NTNG2: variants seen among roughly 807,000 people sequenced by gnomAD.
NTNG2 encodes the protein netrin-G2.
Under a neutral mutation model 47.6 loss-of-function variants are expected in NTNG2, and 15 were observed. That is an observed-to-expected ratio of 0.32 (90% CI 0.21 to 0.49). The LOEUF is 0.49. Ranked by LOEUF, NTNG2 falls within the 20% of genes least tolerant of loss-of-function variation. NTNG2 has a pLI of 0.99. For missense variants in NTNG2, 578 were observed against 764.6 expected, an observed-to-expected ratio of 0.76 and a Z score of 2.88; for synonymous variants, 307 against 324.6, an observed-to-expected ratio of 0.95 and a Z score of 0.58.
chr9:132,205,302 C>T (rs565966926), intron 3 of NTNG2, among the ~76,000 whole-genome samples: 4 of 152,256 alleles, frequency 2.6e-5, no homozygotes, highest in South Asian at 2.1e-4. Context: ...ACCTGACACA[C>T]GCTGCGACAC....
chr9:132,171,942 CA>C (rs1327870952), intron 2 of NTNG2, among the ~76,000 whole-genome samples: 1 of 152,164 alleles, frequency 6.6e-6, no homozygotes, highest in Non-Finnish European at 1.5e-5. Flanking sequence ...ATGCCAGGCA[CA>C]GTTGTGATGG....
At position 132,163,993 on chromosome 9, in the gene NTNG2, T is replaced by G. The variant is rs1161892671; in HGVS notation, c.-484+1754T>G. On this transcript the variant is annotated intron_variant, in intron 1 of 7. Transcript: ENST00000393229. The surrounding 1 kb of genome is among the most constrained non-coding windows in gnomAD (Gnocchi z 7.2). ...GAAAACGATCCTCCGGGATGCAGCT[T>G]CTTACTCTGAAAATTTCCCTGCCGA... 6.6e-6 allele frequency among the ~76,000 whole-genome samples: 1 copy of G among 152,118 alleles called. No individual in the cohort carries two copies. The highest frequency in any genetic ancestry group is 1.9e-4 in the East Asian group (1 of 5,182).
At chr9:132,234,650 G>A (rs551276169) in intron 5 of NTNG2, among the ~76,000 whole-genome samples, 11 of 152,338 alleles carry the variant, frequency 7.2e-5, no homozygotes, top group South Asian at 2.1e-4. Context: ...CGCTGCGGGC[G>A]GAAAACGCCG....
intron 3 of NTNG2, among the ~76,000 whole-genome samples, chr9:132,199,491 C>T (rs938062710): frequency 6.6e-6 from 1 of 152,362 alleles, no homozygotes; most frequent in Admixed American, 6.5e-5. Flanking sequence ...TTGATTCTCC[C>T]AGCAGTGACA....
At chr9:132,188,177 C>T (rs2131401781) in intron 2 of NTNG2, among the ~76,000 whole-genome samples, 1 of 152,348 alleles carries the variant, frequency 6.6e-6, no homozygotes, top group Admixed American at 6.5e-5. Context: ...CGAGTCCTGG[C>T]CCTCTACCTG....
chr9:132,201,239 T>C (rs994827638), intron 3 of NTNG2, among the ~76,000 whole-genome samples: 4 of 152,242 alleles, frequency 2.6e-5, no homozygotes, highest in African/African-American at 4.8e-5. Flanking sequence ...CTGCCTTGAT[T>C]TCCCATCTGT....
chr9:132,165,690 T>C (rs1447738362), intron 1 of NTNG2, among the ~76,000 whole-genome samples: 1 of 152,200 alleles, frequency 6.6e-6, no homozygotes. Flanking sequence ...GACTTGACAG[T>C]CATGGTATTT....
rs1348520310 is a variant in NTNG2, at chr9:132,215,634, CA to C, written c.858-11213del. Among the ~76,000 whole-genome samples, 1 of 152,164 alleles carries C rather than the reference CA, an allele frequency of 6.6e-6. No individual in the cohort carries two copies. The highest frequency in any genetic ancestry group is 1.5e-5 in the Non-Finnish European group (1 of 68,026). ...TCTGGCAATATGTTACTGAATCCTC[CA>C]AGAGGCCAGGGGGTGTGTCACCTCT... On this transcript the variant is annotated intron_variant, in intron 3 of 7. Transcript: ENST00000393229. This position sits in a 1 kb window ranked among gnomAD's most constrained non-coding sequence, Gnocchi z 4.2.
chr9:132,228,223 A>G (rs1271018709), intron 4 of NTNG2, among the ~76,000 whole-genome samples: 1 of 152,262 alleles, frequency 6.6e-6, no homozygotes, highest in Non-Finnish European at 1.5e-5. Flanking sequence ...ATCAAAGCTG[A>G]GAGCCACGTG....
chr9:132,183,042 G>T (rs1009708230), intron 2 of NTNG2, among the ~76,000 whole-genome samples: 15 of 152,196 alleles, frequency 9.9e-5, no homozygotes, highest in Non-Finnish European at 1.9e-4. Context: ...CTTCCAGCCT[G>T]AAGCATCTTG....
intron 2 of NTNG2, among the ~76,000 whole-genome samples, chr9:132,185,051 T>C (rs929373460): frequency 6.6e-6 from 1 of 151,654 alleles, no homozygotes; most frequent in South Asian, 2.1e-4. Context: ...GGGAAGGGTG[T>C]CTGGCTGCAG....
At chr9:132,167,869 T>C (rs1002574754) in intron 2 of NTNG2, among the ~76,000 whole-genome samples, 1 of 151,856 alleles carries the variant, frequency 6.6e-6, no homozygotes, top group Non-Finnish European at 1.5e-5. Context: ...GCTAGCCAGG[T>C]GGATTCTGTG....
chr9:132,215,246 C>T lies in NTNG2; in HGVS notation c.858-11603C>T, dbSNP rs962840921. On this transcript the variant is annotated intron_variant, in intron 3 of 7. Transcript: ENST00000393229. This position sits in a 1 kb window ranked among gnomAD's most constrained non-coding sequence, Gnocchi z 4.2. The stretch of plus-strand genomic sequence containing the variant: ...CTGTATTTTTATTTGGGAAATCTGG[C>T]AACCATTGTGGCATGGGGCTCTGTG... Among the ~76,000 whole-genome samples the T allele has an allele frequency of 6.6e-6, 1 of 152,094 alleles. No individual in the cohort carries two copies. Among genetic ancestry groups the T allele is most frequent in the African/African-American group, 2.4e-5 (1 of 41,398 alleles).
chr9:132,241,736 G>A, intron 7 of NTNG2, 140 bp from the exon 8 acceptor site: 1 of 600,404 alleles, frequency 1.7e-6, no homozygotes, highest in Non-Finnish European at 2.8e-6. Context: ...GGGACGTTTC[G>A]CACCCAGCGC....
At chr9:132,176,176 C>T (rs765612093) in intron 2 of NTNG2, among the ~76,000 whole-genome samples, 1 of 145,172 alleles carries the variant, frequency 6.9e-6, no homozygotes. Flanking sequence ...TAGTGAGACC[C>T]CATCTCTCAA....
At chr9:132,230,780 C>T (rs962202020) in intron 5 of NTNG2, among the ~76,000 whole-genome samples, 185 bp downstream of exon 5, 2 of 151,086 alleles carry the variant, frequency 1.3e-5, no homozygotes, top group African/African-American at 4.9e-5. Context: ...TCCCCCCCTC[C>T]ACCCATCCCC....
chr9:132,238,062 G>A (rs1053773013), intron 5 of NTNG2, among the ~76,000 whole-genome samples: 2 of 141,684 alleles, frequency 1.4e-5, no homozygotes, highest in Non-Finnish European at 3.0e-5. Flanking sequence ...GTCCTCTAGA[G>A]ATACACAGAT....
chr9:132,216,436 G>C (rs1314380084), intron 3 of NTNG2, among the ~76,000 whole-genome samples: 1,929 of 143,392 alleles, frequency 0.013, 84 homozygotes, highest in East Asian at 0.073. Flanking sequence ...GTATGTGTGT[G>C]TGTGTGTGTG....
rs1031466664 is a variant in NTNG2 at position 132,180,969 on chromosome 9, C to T, written c.213+13925C>T. Among the ~76,000 whole-genome samples, 8 of 152,332 alleles carry T rather than the reference C, an allele frequency of 5.3e-5. No homozygotes were observed. The highest frequency in any genetic ancestry group is 8.8e-5 in the Non-Finnish European group (6 of 68,034). On this transcript the variant is annotated intron_variant, in intron 2 of 7. Coordinates refer to ENST00000393229, the MANE Select transcript of NTNG2 (RefSeq NM_032536.4). This position sits in a 1 kb window ranked among gnomAD's most constrained non-coding sequence, Gnocchi z 4.2. ...CTTCCCAGATTTCTCTGAGTCCATC[C>T]GTGGTCACTTTCGGTCAATCATCTG...
Sources: allele counts gnomAD v4.1 joint callset (sites outside exome capture counted in the v4.1 genomes callset), GRCh38; gene constraint gnomAD v4.1.1; non-coding constraint Gnocchi (gnomAD v3.1); transcripts MANE v1.5; gene names NCBI Gene and HGNC (gene_info 2026-07-23, HGNC 2026-07-21).